The following HSD17B6 variants were observed in gnomAD, a reference collection of about 807,000 sequenced individuals.
HSD17B6 encodes the protein 17-beta-hydroxysteroid dehydrogenase type 6.
Under a neutral mutation model 26.4 loss-of-function variants are expected in HSD17B6, and 16 were observed. The observed-to-expected ratio is 0.61, with a 90% CI of 0.41 to 0.92. HSD17B6 has a LOEUF of 0.92. HSD17B6 is among the 40% of genes least tolerant of loss of function. HSD17B6 has a pLI of 0.00. For synonymous variants in HSD17B6, 139 were observed against 153.0 expected, an observed-to-expected ratio of 0.91 and a Z score of 0.68; for missense variants, 357 against 386.1, an observed-to-expected ratio of 0.92 and a Z score of 0.63.
At position 56,767,622 on chromosome 12, in the gene HSD17B6, AACATATATATTAT is replaced by A. The variant is rs1954363881; in HGVS notation, c.-20+4210_-20+4222del. ...TATACACATACATATATTAATATAT[AACATATATATTAT>A]ATTAATATATTATATATATTATATA... On this transcript the variant is annotated intron_variant, in intron 1 of 4. Transcript: ENST00000322165. Among the ~76,000 whole-genome samples the A allele has an allele frequency of 5.9e-5, 5 of 84,824 alleles. No homozygotes were observed. In the South Asian group the frequency reaches 2.5e-3, roughly 43 times the overall value. 55.6% of individuals were successfully genotyped at this position (84,824 alleles called of 152,430 possible).
In HSD17B6 at chr12:56,785,517, G is replaced by T. The variant is rs544841773; in HGVS notation, c.736+501G>T. Among the ~76,000 whole-genome samples the T allele has an allele frequency of 2.6e-5, 4 of 152,214 alleles. No homozygotes were observed. In the South Asian group the frequency reaches 8.3e-4, roughly 32 times the overall value. On this transcript the variant is annotated intron_variant, in intron 4 of 4. Coordinates refer to ENST00000322165, the MANE Select transcript of HSD17B6 (RefSeq NM_003725.4). Reference sequence around the variant, plus strand: ...CCCAGAACAGAAGGAAGTCAGGAAGGTCCCAGTGGTCTCATGGTTGGCTTG... The same window carrying T: ...CCCAGAACAGAAGGAAGTCAGGAAGTTCCCAGTGGTCTCATGGTTGGCTTG...
chr12:56,784,942 A>G lies in HSD17B6; in HGVS notation c.662A>G (p.Glu221Gly), dbSNP rs372281331. 5.0e-6 allele frequency: 8 copies of G among 1,613,934 alleles called. No homozygotes were observed. In the African/African-American group the frequency reaches 5.3e-5, roughly 11 times the overall value. ...TGMTNMTQSLERMKQSWKEAP... is the reference protein window; with the variant it reads ...TGMTNMTQSLGRMKQSWKEAP... ...ATGACAAACATGACACAGTCCTTAG[A>G]GCGAATGAAGCAAAGTTGGAAAGAA... The change falls in exon 4 of 5, where the codon GAG (glutamate) becomes GGG (glycine). Residue 221 changes from glutamate to glycine, a missense_variant. Coordinates refer to ENST00000322165, the MANE Select transcript of HSD17B6 (RefSeq NM_003725.4).
intron 3 of HSD17B6, among the ~76,000 whole-genome samples, chr12:56,783,721 C>T (rs537344920): frequency 1.2e-4 from 17 of 145,780 alleles, no homozygotes; most frequent in South Asian, 1.1e-3. Context: ...CCGGACGGGA[C>T]GGCTGGCCGG....
intron 2 of HSD17B6, among the ~76,000 whole-genome samples, chr12:56,777,841 G>A (rs1954626525): frequency 6.6e-6 from 1 of 152,130 alleles, no homozygotes. Context: ...GGGCAACACA[G>A]TGAGATACCA....
intron 1 of HSD17B6, among the ~76,000 whole-genome samples, chr12:56,763,674 A>G (rs1367108750): frequency 6.6e-6 from 1 of 151,984 alleles, no homozygotes; most frequent in Non-Finnish European, 1.5e-5. Context: ...ACTTACAAAT[A>G]GGGACTCTGG....
In HSD17B6 at chr12:56,783,354, C is replaced by T. The variant is rs1317109639; in HGVS notation, c.572+1122C>T. Among the ~76,000 whole-genome samples the T allele has an allele frequency of 9.7e-5, 13 of 133,530 alleles. No homozygotes were observed. In the East Asian group the frequency reaches 2.8e-3, roughly 29 times the overall value. The allele number at this position is 133,530 out of a possible 152,430, so 87.6% of individuals were successfully genotyped here. ...CTCCCTCCCGGACGGGGCGGCTGGCCGGGCAGGGGGCTGAGCCCCCCACCT... is the reference window on the plus strand; with the variant it reads ...CTCCCTCCCGGACGGGGCGGCTGGCTGGGCAGGGGGCTGAGCCCCCCACCT... On this transcript the variant is annotated intron_variant, in intron 3 of 4. Coordinates refer to ENST00000322165, the MANE Select transcript of HSD17B6 (RefSeq NM_003725.4).
intron 1 of HSD17B6, among the ~76,000 whole-genome samples, chr12:56,769,649 T>C (rs1954427319): frequency 6.6e-6 from 1 of 151,826 alleles, no homozygotes; most frequent in Non-Finnish European, 1.5e-5. Flanking sequence ...AGGAAGTTAA[T>C]TGAGAATGTC....
chr12:56,772,991 C>T (rs371927111), intron 1 of HSD17B6, among the ~76,000 whole-genome samples: 1 of 152,126 alleles, frequency 6.6e-6, no homozygotes, highest in African/African-American at 2.4e-5. Context: ...TTGACCTCTA[C>T]CTATGTTGTT....
In HSD17B6 at chr12:56,773,827, T is replaced by C. The variant is rs1954528788; in HGVS notation, c.-19-7T>C. On this transcript the variant is annotated splice_region_variant and splice_polypyrimidine_tract_variant and intron_variant, in intron 1 of 4. Transcript: ENST00000322165. ...GAAGGAATAAAATGTTTTCTTTCTATTGAAAGAGAAGGAAGCACCCTCACT... is the reference window on the plus strand; with the variant it reads ...GAAGGAATAAAATGTTTTCTTTCTACTGAAAGAGAAGGAAGCACCCTCACT... The C allele has an allele frequency of 6.6e-7, 1 of 1,517,050 alleles. No individual in the cohort carries two copies. The highest frequency in any genetic ancestry group is 1.4e-5 in the African/African-American group (1 of 71,860). The allele number at this position is 1,517,050 out of a possible 1,614,324, so 94.0% of individuals were successfully genotyped here.
intron 1 of HSD17B6, among the ~76,000 whole-genome samples, chr12:56,764,400 G>A (rs982275399): frequency 6.6e-5 from 10 of 152,166 alleles, no homozygotes; most frequent in Non-Finnish European, 1.3e-4. Context: ...TAAGGTGCAC[G>A]AGCATGGCCC....
intron 2 of HSD17B6, among the ~76,000 whole-genome samples, chr12:56,777,809 C>T (rs1455892121): frequency 6.6e-6 from 1 of 152,074 alleles, no homozygotes; most frequent in East Asian, 1.9e-4. Context: ...ATTGCTTGAG[C>T]CCAGGAGTTC....
chr12:56,777,729 A>T (rs947423192), intron 2 of HSD17B6, among the ~76,000 whole-genome samples: 3 of 152,148 alleles, frequency 2.0e-5, no homozygotes, highest in Admixed American at 6.5e-5. Flanking sequence ...GACTAAAAAA[A>T]TTTTGAAAAT....
At position 56,773,847 on chromosome 12, in the gene HSD17B6, C is replaced by A; in HGVS notation, c.-6C>A. 1 of 1,528,514 alleles carries A rather than the reference C, an allele frequency of 6.5e-7. No homozygotes were observed. The highest frequency in any genetic ancestry group is 1.3e-5 in the South Asian group (1 of 77,342). The allele number at this position is 1,528,514 out of a possible 1,614,324, so 94.7% of individuals were successfully genotyped here. On this transcript the variant is annotated 5_prime_UTR_variant, in exon 2 of 5. Transcript: ENST00000322165. ...TTCTATTGAAAGAGAAGGAAGCACC[C>A]TCACTATGTGGCTCTACCTGGCGGC...
chr12:56,765,545 T>C (rs1453477155), intron 1 of HSD17B6, among the ~76,000 whole-genome samples: 1 of 152,026 alleles, frequency 6.6e-6, no homozygotes, highest in African/African-American at 2.4e-5. Context: ...TTGCCCAGGA[T>C]AGAGTGCGGT....
At position 56,769,103 on chromosome 12, in the gene HSD17B6, GT is replaced by G. The variant is rs35174136; in HGVS notation, c.-19-4714del. 1.5e-3 allele frequency among the ~76,000 whole-genome samples: 190 copies of G among 130,006 alleles called. 1 individual carries two copies. In the South Asian group the frequency reaches 0.016, roughly 11 times the overall value. 85.3% of individuals were successfully genotyped at this position (130,006 alleles called of 152,430 possible). A position where few individuals can be genotyped will look rare whatever the true frequency, so the allele number is the denominator to read the frequency against. ...GAGAGGGCAGTTTCAGCTTTTCAAG[GT>G]TTTTTTTTTTTTTTTTGAGGCAGAG... is the stretch of plus-strand genomic sequence containing the variant. On this transcript the variant is annotated intron_variant, in intron 1 of 4. Transcript: ENST00000322165.
chr12:56,781,844 T>A lies in HSD17B6; in HGVS notation c.314-130T>A, dbSNP rs566789132. The stretch of plus-strand genomic sequence containing the variant: ...TAGCAAACTTGTATGTTATATCATT[T>A]GGGCTGCAAACTCTCATGGGGGTGG... On this transcript the variant is annotated intron_variant, in intron 2 of 4. Transcript: ENST00000322165. The A allele has an allele frequency of 2.3e-5, 21 of 919,500 alleles. No individual in the cohort carries two copies. The East Asian group carries it at 5.1e-4, about 22-fold the overall frequency. 57.0% of individuals were successfully genotyped at this position (919,500 alleles called of 1,614,324 possible).
chr12:56,783,513 C>T (rs866906336), intron 3 of HSD17B6, among the ~76,000 whole-genome samples: 4 of 146,632 alleles, frequency 2.7e-5, no homozygotes, highest in South Asian at 4.3e-4. Flanking sequence ...ACCTCCCTCC[C>T]GGATGGGGCG....
intron 3 of HSD17B6, among the ~76,000 whole-genome samples, chr12:56,783,545 A>ACC (rs1280436272): frequency 1.3e-5 from 1 of 75,680 alleles, no homozygotes; most frequent in Non-Finnish European, 2.6e-5. Context: ...GGGGGGCTGA[A>ACC]CCCCCCCCAC....
intron 2 of HSD17B6, among the ~76,000 whole-genome samples, chr12:56,775,763 CA>C (rs966568748): frequency 6.6e-6 from 1 of 151,986 alleles, no homozygotes; most frequent in African/African-American, 2.4e-5. Flanking sequence ...TGGGTTTGAA[CA>C]AATGTGTAAT....
Sources: gnomAD v4.1 joint callset for allele counts (sites outside exome capture counted in the v4.1 genomes callset) on GRCh38, gnomAD v4.1.1 for gene constraint, MANE v1.5 for transcripts, NCBI Gene and HGNC (gene_info 2026-07-23, HGNC 2026-07-21) for gene names.